The following FLACC1 variants were observed in gnomAD, a reference collection of about 807,000 sequenced individuals.
FLACC1 encodes the protein flagellum associated containing coiled-coil domains 1.
A neutral mutation model predicts 62.8 loss-of-function variants in FLACC1; 66 were observed. The ratio of observed to expected loss-of-function variants is 1.05; its 90% CI spans 0.86 to 1.29. FLACC1 has a LOEUF of 1.29. Ranked by LOEUF, FLACC1 falls within the 50% of genes most tolerant of loss-of-function variation. The pLI is 0.00. For synonymous variants in FLACC1, 156 were observed against 161.0 expected (o/e 0.97, Z 0.24); for missense variants, 452 against 489.1 (o/e 0.92, Z 0.71).
Position 201,350,792 on chromosome 2 carries a change from A to G in FLACC1, c.114-10T>C. The G allele has an allele frequency of 6.2e-7, 1 of 1,602,432 alleles. No individual in the cohort carries two copies. The highest frequency in any genetic ancestry group is 8.5e-7 in the Non-Finnish European group (1 of 1,170,074). ...TACAAGAGGAGTTAGCCTGAAAGTG[A>G]AAAACAAATAACTAAAACAAGAACA... On this transcript the variant is annotated splice_polypyrimidine_tract_variant and intron_variant, in intron 2 of 14. Transcript: ENST00000392257.
intron 14 of FLACC1, 134 bp downstream of exon 14, chr2:201,289,323 C>T: frequency 1.3e-6 from 1 of 750,284 alleles, no homozygotes; most frequent in Non-Finnish European, 2.2e-6. Context: ...GAGTGACATA[C>T]CTCCCTCCCG....
chr2:201,347,241 G>A (rs534684094), intron 4 of FLACC1, among the ~76,000 whole-genome samples: 1 of 152,260 alleles, frequency 6.6e-6, no homozygotes, highest in African/African-American at 2.4e-5. Context: ...TGCTGGCCTG[G>A]ACCAGGGCAA....
intron 14 of FLACC1, 129 bp from the exon 15 acceptor site, chr2:201,288,910 A>G (rs148400230): frequency 1.8e-6 from 2 of 1,112,014 alleles, no homozygotes; most frequent in African/African-American, 3.1e-5. Flanking sequence ...CATTACTTGC[A>G]GTGGTTTTGA....
At chr2:201,315,468 T>C (rs914350129) in intron 9 of FLACC1, among the ~76,000 whole-genome samples, 5 of 152,174 alleles carry the variant, frequency 3.3e-5, no homozygotes, top group Non-Finnish European at 1.5e-5. Context: ...AGGGACATTA[T>C]ATAATGGTAA....
chr2:201,307,365 G>C (rs569820468), intron 11 of FLACC1, among the ~76,000 whole-genome samples, 154 bp downstream of exon 11: 1 of 152,358 alleles, frequency 6.6e-6, no homozygotes, highest in South Asian at 2.1e-4. Flanking sequence ...CAGCAAGACT[G>C]TCAGTCTATT....
At chr2:201,338,416 G>C (rs1161061924) in intron 7 of FLACC1, among the ~76,000 whole-genome samples, 1 of 151,922 alleles carries the variant, frequency 6.6e-6, no homozygotes, top group African/African-American at 2.4e-5. Flanking sequence ...GGATTGCTCT[G>C]GCTAGGACTT....
At chr2:201,328,100 A>T (rs1161335294) in intron 9 of FLACC1, among the ~76,000 whole-genome samples, 5 of 152,188 alleles carry the variant, frequency 3.3e-5, no homozygotes, top group Non-Finnish European at 5.9e-5. Context: ...GTGGGAGCTA[A>T]GTCATGAATA....
At position 201,289,678 on chromosome 2, in the gene FLACC1, A is replaced by T; in HGVS notation, c.1032+18T>A. The T allele has an allele frequency of 6.2e-7, 1 of 1,611,548 alleles. No individual in the cohort carries two copies. Among genetic ancestry groups the T allele is most frequent in the Non-Finnish European group, 8.5e-7 (1 of 1,178,594 alleles). ...GGTTCTTCCCCCAACCCCCATCCCC[A>T]CTCCAGTAGGGACTCACCTCTTTCT... is the stretch of plus-strand genomic sequence containing the variant. On this transcript the variant is annotated intron_variant, in intron 13 of 14. Coordinates refer to ENST00000392257, the MANE Select transcript of FLACC1 (RefSeq NM_001127391.3).
Position 201,351,387 on chromosome 2 carries a change from G to T in FLACC1, c.18C>A (p.Leu6=), listed in dbSNP as rs1951025470. The change falls in exon 2 of 15, where the codon CTC becomes CTA. Residue 6 remains leucine (L), a synonymous_variant. Coordinates refer to ENST00000392257, the MANE Select transcript of FLACC1 (RefSeq NM_001127391.3). ...AGGGGTCCCAGCAGGTGCAGTAGATGAGAGGGTTGGGGTACATGGCCAAAG... is the reference window on the plus strand; with the variant it reads ...AGGGGTCCCAGCAGGTGCAGTAGATTAGAGGGTTGGGGTACATGGCCAAAG... MYPNP[L]IYCTCWDPWN... 2.5e-6 allele frequency: 4 copies of T among 1,613,870 alleles called. No individual in the cohort carries two copies. The East Asian group carries it at 8.9e-5, about 36-fold the overall frequency.
chr2:201,289,034 T>A (rs1949662142), intron 14 of FLACC1, among the ~76,000 whole-genome samples: 1 of 152,222 alleles, frequency 6.6e-6, no homozygotes, highest in Non-Finnish European at 1.5e-5. Flanking sequence ...TTTATTTTAA[T>A]GATTTAAGAT....
In FLACC1 at chr2:201,344,783, T is replaced by C. The variant is rs572295593; in HGVS notation, c.369-520A>G. Among the ~76,000 whole-genome samples the C allele has an allele frequency of 4.6e-5, 7 of 152,310 alleles. No individual in the cohort carries two copies. The South Asian group carries it at 1.5e-3, about 32-fold the overall frequency. ...TAAGGCTGCCATGGTATCTGTAAAT[T>C]ATTTAGCTCTGTCTGGTTGGGCTAG... On this transcript the variant is annotated intron_variant, in intron 5 of 14. Coordinates refer to ENST00000392257, the MANE Select transcript of FLACC1 (RefSeq NM_001127391.3).
At chr2:201,298,447 C>G (rs1293827242) in intron 12 of FLACC1, among the ~76,000 whole-genome samples, 2 of 152,096 alleles carry the variant, frequency 1.3e-5, no homozygotes, top group Non-Finnish European at 2.9e-5. Context: ...GAAATATGAC[C>G]ATAAATGAGG....
chr2:201,299,116 A>T, intron 12 of FLACC1, 122 bp downstream of exon 12: 1 of 928,298 alleles, frequency 1.1e-6, no homozygotes, highest in Non-Finnish European at 1.6e-6. Flanking sequence ...ACTCAGCTTT[A>T]GGTCTTCCAT....
intron 1 of FLACC1, among the ~76,000 whole-genome samples, chr2:201,354,962 C>T (rs1951090793): frequency 6.6e-6 from 1 of 152,174 alleles, no homozygotes; most frequent in African/African-American, 2.4e-5. Flanking sequence ...TGGTTGTAAT[C>T]AGCTCATCAT....
At chr2:201,357,472 T>G (rs1380193616), upstream of FLACC1, 1 of 152,194 alleles carries the variant, frequency 6.6e-6, no homozygotes, top group Non-Finnish European at 1.5e-5. Context: ...AAACAGCCAA[T>G]TAAATTCTCC....
At chr2:201,314,985 C>G (rs1950282453) in intron 9 of FLACC1, among the ~76,000 whole-genome samples, 1 of 152,056 alleles carries the variant, frequency 6.6e-6, no homozygotes, top group Non-Finnish European at 1.5e-5. Context: ...CAAACAAATG[C>G]TAAAAGAACT....
At chr2:201,342,114 A>C (rs1378521935) in intron 7 of FLACC1, among the ~76,000 whole-genome samples, 2 of 152,248 alleles carry the variant, frequency 1.3e-5, no homozygotes, top group Non-Finnish European at 2.9e-5. Flanking sequence ...ACCAACAAAA[A>C]GGGAGATTAT....
chr2:201,336,038 A>T (rs1305035605), intron 7 of FLACC1, among the ~76,000 whole-genome samples: 1 of 152,052 alleles, frequency 6.6e-6, no homozygotes, highest in African/African-American at 2.4e-5. Flanking sequence ...GTACATGTAC[A>T]TGTATATATT....
chr2:201,301,581 T>C (rs568798388), intron 11 of FLACC1, among the ~76,000 whole-genome samples: 2 of 152,104 alleles, frequency 1.3e-5, no homozygotes, highest in African/African-American at 4.8e-5. Flanking sequence ...ATACAGAGAA[T>C]GCCACAAAGA....
Sources: gnomAD v4.1 joint callset for allele counts (sites outside exome capture counted in the v4.1 genomes callset) on GRCh38, gnomAD v4.1.1 for gene constraint, MANE v1.5 for transcripts, NCBI Gene and HGNC (gene_info 2026-07-23, HGNC 2026-07-21) for gene names.